ATP8A2: variants seen among roughly 807,000 people sequenced by gnomAD.
The protein encoded by ATP8A2 is phospholipid-transporting ATPase IB.
ATP8A2 carries 100 observed loss-of-function variants against 165.6 expected under a neutral mutation model. The observed-to-expected ratio is 0.60, with a 90% CI of 0.51 to 0.71. The LOEUF is 0.71. Among genes scored for constraint, ATP8A2 ranks in the 30% least tolerant of loss-of-function variants. The probability of loss-of-function intolerance (pLI) is 0.00; values close to 1 mark genes in which losing one functional copy is unlikely to be tolerated. For synonymous variants in ATP8A2, 543 were observed against 548.8 expected (o/e 0.99, Z 0.15); for missense variants, 1,227 against 1,479.5 (o/e 0.83, Z 2.80).
intron 24 of ATP8A2, among the ~76,000 whole-genome samples, chr13:25,664,423 C>T (rs1010268912): frequency 1.4e-4 from 21 of 152,184 alleles, no homozygotes; most frequent in African/African-American, 4.8e-4. Flanking sequence ...GTCACATGAT[C>T]TTGCCCCTCT....
intron 24 of ATP8A2, among the ~76,000 whole-genome samples, chr13:25,685,822 A>G (rs1041082872): frequency 1.8e-4 from 28 of 152,240 alleles, no homozygotes; most frequent in African/African-American, 6.3e-4. Flanking sequence ...TAGTGACAGG[A>G]CCTGCCTTCC....
chr13:25,619,954 G>T (rs572961252), intron 24 of ATP8A2, among the ~76,000 whole-genome samples: 1 of 152,330 alleles, frequency 6.6e-6, no homozygotes, highest in South Asian at 2.1e-4. Context: ...ATACAAAGAA[G>T]AGAGGAGTCA....
At chr13:25,416,807 A>G (rs1478577680) in intron 1 of ATP8A2, among the ~76,000 whole-genome samples, 1 of 152,242 alleles carries the variant, frequency 6.6e-6, no homozygotes, top group Non-Finnish European at 1.5e-5. Flanking sequence ...TCTGAATGGT[A>G]TCGTTCAGCT....
intron 1 of ATP8A2, among the ~76,000 whole-genome samples, chr13:25,427,696 C>T (rs1194212837): frequency 6.6e-6 from 1 of 150,988 alleles, no homozygotes; most frequent in Non-Finnish European, 1.5e-5. Flanking sequence ...GAGATCGAGA[C>T]CATGCTGGCC....
chr13:25,410,430 C>T (rs1026433412), intron 1 of ATP8A2, among the ~76,000 whole-genome samples: 3 of 152,194 alleles, frequency 2.0e-5, no homozygotes. Flanking sequence ...CTGCTTCTCC[C>T]ACTGGATTTT....
chr13:25,496,911 G>A (rs1052968171), intron 2 of ATP8A2, among the ~76,000 whole-genome samples: 1 of 152,156 alleles, frequency 6.6e-6, no homozygotes, highest in Non-Finnish European at 1.5e-5. Flanking sequence ...GTGGGTTGAT[G>A]TGTTAATTCA....
intron 1 of ATP8A2, among the ~76,000 whole-genome samples, chr13:25,415,238 C>T (rs2034098931): frequency 1.3e-5 from 2 of 152,224 alleles, no homozygotes; most frequent in African/African-American, 4.8e-5. Flanking sequence ...CCCATGTACT[C>T]TCCATGCATC....
At chr13:25,646,092 C>G (rs1429995290) in intron 24 of ATP8A2, among the ~76,000 whole-genome samples, 1 of 152,102 alleles carries the variant, frequency 6.6e-6, no homozygotes, top group Non-Finnish European at 1.5e-5. Flanking sequence ...TTTAGGGGCT[C>G]CAATGCTGGG....
intron 25 of ATP8A2, among the ~76,000 whole-genome samples, chr13:25,760,246 A>G (rs1268344950): frequency 1.3e-5 from 2 of 152,198 alleles, no homozygotes; most frequent in Non-Finnish European, 2.9e-5. Context: ...TTCAAAGAAG[A>G]CAATGCTCAT....
Position 25,916,708 on chromosome 13 carries a change from G to A in ATP8A2, c.3184-44867G>A, listed in dbSNP as rs550342950. 2.0e-5 allele frequency among the ~76,000 whole-genome samples: 3 copies of A among 152,224 alleles called. No individual in the cohort carries two copies. In the South Asian group the frequency reaches 6.2e-4, roughly 32 times the overall value. On this transcript the variant is annotated intron_variant, in intron 33 of 36. Coordinates refer to ENST00000381655, the MANE Select transcript of ATP8A2 (RefSeq NM_016529.6). The stretch of plus-strand genomic sequence containing the variant: ...AAAGGGTCACTTTTTGTAGCTTTTG[G>A]CCTGTAACTCATGTCACTCCTAACC...
chr13:25,774,097 T>C (rs1292131720), intron 26 of ATP8A2, among the ~76,000 whole-genome samples: 1 of 152,112 alleles, frequency 6.6e-6, no homozygotes. Context: ...GTAGCTCACC[T>C]TTGTTTAATA....
intron 1 of ATP8A2, among the ~76,000 whole-genome samples, chr13:25,393,444 C>T (rs757150365): frequency 6.6e-6 from 1 of 152,218 alleles, no homozygotes. Flanking sequence ...GAGACAGGGT[C>T]TCACTCTGTC....
chr13:25,964,134 A>G (rs966431984), intron 34 of ATP8A2, among the ~76,000 whole-genome samples: 1 of 152,198 alleles, frequency 6.6e-6, no homozygotes, highest in African/African-American at 2.4e-5. Flanking sequence ...GGGAGCCAAC[A>G]GCATCTCAGC....
At chr13:25,682,704 T>C (rs2042517982) in intron 24 of ATP8A2, among the ~76,000 whole-genome samples, 1 of 152,178 alleles carries the variant, frequency 6.6e-6, no homozygotes, top group African/African-American at 2.4e-5. Context: ...CTTGTACTGC[T>C]AGGCCTACCC....
chr13:25,648,505 A>G (rs1374988215), intron 24 of ATP8A2, among the ~76,000 whole-genome samples: 1 of 152,138 alleles, frequency 6.6e-6, no homozygotes, highest in Non-Finnish European at 1.5e-5. Flanking sequence ...CTCTACTAAA[A>G]ATACAAAGAT....
chr13:25,586,304 A>G (rs1566302642), intron 23 of ATP8A2, among the ~76,000 whole-genome samples: 1 of 152,226 alleles, frequency 6.6e-6, no homozygotes, highest in African/African-American at 2.4e-5. Context: ...TTGAGCCTTC[A>G]GAGTTTGTTT....
intron 33 of ATP8A2, among the ~76,000 whole-genome samples, chr13:25,903,287 C>T (rs1009449296): frequency 6.6e-6 from 1 of 152,148 alleles, no homozygotes; most frequent in African/African-American, 2.4e-5. Context: ...TTAACCCTGC[C>T]GTTGCATTTG....
At chr13:25,699,385 T>G (rs1320833229) in intron 25 of ATP8A2, 40 bp downstream of exon 25, 4 of 1,485,394 alleles carry the variant, frequency 2.7e-6, no homozygotes, top group Non-Finnish European at 2.7e-6. Context: ...CACTCTGCTG[T>G]GTCTGTATCC....
intron 2 of ATP8A2, among the ~76,000 whole-genome samples, chr13:25,473,188 A>G (rs758973134): frequency 7.2e-5 from 11 of 152,184 alleles, no homozygotes; most frequent in Non-Finnish European, 1.3e-4. Context: ...GGACTGTGCT[A>G]TGTATATAGA....
Sources: allele counts gnomAD v4.1 joint callset (sites outside exome capture counted in the v4.1 genomes callset), GRCh38; gene constraint gnomAD v4.1.1; transcripts MANE v1.5; gene names NCBI Gene and HGNC (gene_info 2026-07-23, HGNC 2026-07-21).